Variants in RGS3 observed in about 807,000 individuals in gnomAD.
RGS3 encodes regulator of G-protein signalling 3.
RGS3 carries 80 observed loss-of-function variants against 132.6 expected under a neutral mutation model. The observed-to-expected ratio is 0.60, with a 90% confidence interval of 0.50 to 0.73. The LOEUF is 0.73. RGS3 is among the 30% of genes least tolerant of loss of function. The pLI, the probability that RGS3 is intolerant of heterozygous loss-of-function variation, is 0.00. For synonymous variants in RGS3, 598 were observed against 620.6 expected (o/e 0.96, Z 0.54); for missense variants, 1,382 against 1,530.8 (o/e 0.90, Z 1.62).
chr9:113,594,795 C>T (rs542871531), intron 22 of RGS3, 124 bp from the exon 21 acceptor site: 16 of 912,596 alleles, frequency 1.8e-5, no homozygotes, highest in East Asian at 7.8e-5. Flanking sequence ...CCTTCCTGGG[C>T]GCCCCAGCTG....
chr9:113,511,129 A>T (rs928816362), intron 14 of RGS3, among the ~76,000 whole-genome samples: 1 of 152,160 alleles, frequency 6.6e-6, no homozygotes, highest in South Asian at 2.1e-4. Context: ...TGTGGTTGGC[A>T]TGTTTCCCAG....
chr9:113,503,822 T>G (rs1831017971), intron 10 of RGS3, among the ~76,000 whole-genome samples: 1 of 152,208 alleles, frequency 6.6e-6, no homozygotes, highest in Non-Finnish European at 1.5e-5. Context: ...TCCTGGCGTC[T>G]TCCCTGGCCT....
rs1394455285 is a variant in RGS3, at chr9:113,565,042, C to G, written c.2038-18408C>G. ...CCCTCAGGATGTGTGTGGGGTGGAG[C>G]CTGCTAGGGATCCCAGTGCCAGGGG... On this transcript the variant is annotated intron_variant, in intron 19 of 24. Transcript: ENST00000350696. This position sits in a 1 kb window ranked among gnomAD's most constrained non-coding sequence, Gnocchi z 5.7. 1.4e-5 allele frequency: 16 copies of G among 1,121,738 alleles called. No homozygotes were observed. The highest frequency in any genetic ancestry group is 2.0e-5 in the South Asian group (1 of 50,014). The allele number at this position is 1,121,738 out of a possible 1,614,324, so 69.5% of individuals were successfully genotyped here.
chr9:113,469,583 C>G (rs1030613646), intron 3 of RGS3, among the ~76,000 whole-genome samples: 1 of 152,046 alleles, frequency 6.6e-6, no homozygotes, highest in Non-Finnish European at 1.5e-5. Context: ...AATGTGCAAT[C>G]CAGTGACTTC....
At chr9:113,578,428 CAAGT>C (rs1263940362) in intron 19 of RGS3, among the ~76,000 whole-genome samples, 1 of 152,182 alleles carries the variant, frequency 6.6e-6, no homozygotes, top group East Asian at 1.9e-4. Context: ...GGTCACCCAG[CAAGT>C]AAGTGTGAAG....
intron 3 of RGS3, among the ~76,000 whole-genome samples, chr9:113,465,115 G>A (rs1434838562): frequency 2.0e-5 from 3 of 152,136 alleles, no homozygotes; most frequent in Admixed American, 6.6e-5. Context: ...ATGCCCCAGC[G>A]TAGGAGGCAA....
intron 1 of RGS3, among the ~76,000 whole-genome samples, chr9:113,448,178 G>A (rs1278974326): frequency 2.6e-5 from 4 of 151,866 alleles, no homozygotes; most frequent in Non-Finnish European, 5.9e-5. Flanking sequence ...TCTTTACCCC[G>A]ACCATCCATT....
chr9:113,516,330 G>A (rs1471419341), intron 15 of RGS3, among the ~76,000 whole-genome samples: 1 of 151,834 alleles, frequency 6.6e-6, no homozygotes, highest in East Asian at 1.9e-4. Context: ...AAAGTTCTTG[G>A]CATCTACAAT....
At chr9:113,594,195 A>G (rs758992837) in intron 21 of RGS3, 33 of 1,612,850 alleles carry the variant, frequency 2.0e-5, no homozygotes, top group South Asian at 4.4e-5. Flanking sequence ...CCCGCTGCCC[A>G]GGACGCGGGG....
intron 7 of RGS3, among the ~76,000 whole-genome samples, chr9:113,491,946 T>C (rs765142374): frequency 1.3e-5 from 2 of 152,208 alleles, no homozygotes; most frequent in Non-Finnish European, 1.5e-5. Context: ...AAGTGTATGC[T>C]CTCCTTTAAT....
intron 11 of RGS3, 129 bp downstream of exon 9, chr9:113,505,652 A>G (rs1831097095): frequency 1.4e-6 from 1 of 706,030 alleles, no homozygotes; most frequent in Admixed American, 2.6e-5. Context: ...AAATGAAAAG[A>G]ATAATATTTT....
Position 113,565,405 on chromosome 9 carries a change from G to A in RGS3, c.2038-18045G>A, listed in dbSNP as rs1230189935. On this transcript the variant is annotated intron_variant, in intron 19 of 24. Coordinates refer to ENST00000350696, the Ensembl canonical transcript of RGS3. This position sits in a 1 kb window ranked among gnomAD's most constrained non-coding sequence, Gnocchi z 5.7. ...GCTGGAGGAGGAGGAAGAGGAGGAG[G>A]ACAAGTAGGAGGAGGAGGAAGAGGA... The A allele has an allele frequency of 7.8e-7, 1 of 1,281,840 alleles. No individual in the cohort carries two copies. Among genetic ancestry groups the A allele is most frequent in the Admixed American group, 2.3e-5 (1 of 43,348 alleles). The allele number at this position is 1,281,840 out of a possible 1,614,324, so 79.4% of individuals were successfully genotyped here. A position where few individuals can be genotyped will look rare whatever the true frequency, so the allele number is the denominator to read the frequency against.
rs113080637 is a variant in RGS3, at chr9:113,470,128, C to G, written c.415+7927C>G. ...GTTTTACCATGTTGGCCACACTGGT[C>G]TCGAACTCCTGACCTCAGGTGATCC... On this transcript the variant is annotated intron_variant, in intron 3 of 24. Transcript: ENST00000350696. 2.5e-4 allele frequency among the ~76,000 whole-genome samples: 38 copies of G among 152,258 alleles called. 1 individual carries two copies. Among genetic ancestry groups the G allele is most frequent in the African/African-American group, 8.2e-4 (34 of 41,554 alleles).
At chr9:113,460,113 A>G (rs139325815), upstream of RGS3, 25 of 539,706 alleles carry the variant, frequency 4.6e-5, no homozygotes, top group Admixed American at 1.3e-3. Flanking sequence ...GGTTTTCTGT[A>G]TACATTTTGC....
intron 3 of RGS3, among the ~76,000 whole-genome samples, chr9:113,471,664 T>A (rs1829837186): frequency 6.6e-6 from 1 of 151,622 alleles, no homozygotes; most frequent in South Asian, 2.1e-4. Flanking sequence ...CCGCTCTCTC[T>A]CTCCGTCCCT....
chr9:113,498,116 C>T, intron 10 of RGS3, 36 bp downstream of exon 8: 1 of 1,600,778 alleles, frequency 6.2e-7, no homozygotes, highest in Non-Finnish European at 8.6e-7. Context: ...GCTCCAGGAG[C>T]TGGATCTGCT....
intron 19 of RGS3, among the ~76,000 whole-genome samples, chr9:113,567,182 T>C (rs1328919180): frequency 6.6e-6 from 1 of 152,168 alleles, no homozygotes; most frequent in Non-Finnish European, 1.5e-5. Flanking sequence ...CCAGGCTTCC[T>C]TGCCTTTGCA....
chr9:113,524,382 A>T (rs1339535398), intron 17 of RGS3, among the ~76,000 whole-genome samples: 5 of 152,110 alleles, frequency 3.3e-5, no homozygotes, highest in Admixed American at 3.3e-4. Context: ...GGAGCACTGG[A>T]TGGGCCAGGG....
chr9:113,475,263 G>A (rs1384078541), intron 3 of RGS3, among the ~76,000 whole-genome samples: 1 of 152,116 alleles, frequency 6.6e-6, no homozygotes, highest in Non-Finnish European at 1.5e-5. Flanking sequence ...GGGAACAGGG[G>A]ACATGCCCTG....
Sources: gnomAD v4.1 joint callset for allele counts (sites outside exome capture counted in the v4.1 genomes callset) on GRCh38, gnomAD v4.1.1 for gene constraint, Gnocchi (gnomAD v3.1) non-coding constraint, MANE v1.5 for transcripts, NCBI Gene and HGNC (gene_info 2026-07-23, HGNC 2026-07-21) for gene names.